Variants in GSKIP observed in about 807,000 individuals in gnomAD.
GSKIP encodes the protein GSK3B-interacting protein.
A neutral mutation model predicts 11.9 loss-of-function variants in GSKIP; 5 were observed. That is an observed-to-expected ratio of 0.42 (90% confidence interval 0.22 to 0.89). The LOEUF is 0.89. GSKIP is among the 40% of genes least tolerant of loss of function. The probability of loss-of-function intolerance (pLI) is 0.29; values close to 1 mark genes in which losing one functional copy is unlikely to be tolerated. For synonymous variants in GSKIP, 70 were observed against 62.9 expected, an observed-to-expected ratio of 1.11 and a Z score of -0.54; for missense variants, 150 against 166.6, an observed-to-expected ratio of 0.90 and a Z score of 0.55.
chr14:96,385,854 T>A lies in GSKIP; in HGVS notation c.*170T>A, dbSNP rs1889477065. ...TTATTGAATAATGATTTGTCTTAGT[T>A]TCTGTTTCAGTAAGGGAATTCTGAG... On this transcript the variant is annotated 3_prime_UTR_variant, in exon 4 of 4. Transcript: ENST00000555181. 25 of 560,314 alleles carry A rather than the reference T, an allele frequency of 4.5e-5. No homozygotes were observed. In the East Asian group the frequency reaches 7.7e-4, roughly 17 times the overall value. The allele number at this position is 560,314 out of a possible 1,614,324, so 34.7% of individuals were successfully genotyped here. A position where few individuals can be genotyped will look rare whatever the true frequency, so the allele number is the denominator to read the frequency against.
At chr14:96,364,130 T>C (rs1888791516) in intron 1 of GSKIP, 1 of 152,290 alleles carries the variant, frequency 6.6e-6, no homozygotes, top group African/African-American at 2.4e-5. Flanking sequence ...ACTTGGGCTG[T>C]TCTGGCAGTC....
intron 1 of GSKIP, among the ~76,000 whole-genome samples, chr14:96,376,141 A>G (rs1267121600): frequency 6.6e-6 from 1 of 152,244 alleles, no homozygotes; most frequent in Non-Finnish European, 1.5e-5. Context: ...GGACCACACT[A>G]CATACTGCCA....
chr14:96,366,308 C>T (rs571745162), intron 1 of GSKIP, among the ~76,000 whole-genome samples: 3 of 148,734 alleles, frequency 2.0e-5, no homozygotes, highest in African/African-American at 4.9e-5. Context: ...GAATTGCATT[C>T]GGGCTATCCA....
intron 1 of GSKIP, among the ~76,000 whole-genome samples, chr14:96,368,732 CTCTT>C (rs1326838425): frequency 1.3e-5 from 2 of 152,094 alleles, no homozygotes; most frequent in African/African-American, 2.4e-5. Context: ...CCCCTACTCC[CTCTT>C]TCTCTCTCAC....
intron 1 of GSKIP, among the ~76,000 whole-genome samples, chr14:96,375,724 G>A (rs757207288): frequency 6.6e-5 from 10 of 152,140 alleles, no homozygotes; most frequent in Non-Finnish European, 1.2e-4. Context: ...GAGCCACCAC[G>A]CCCGGCTTGA....
chr14:96,374,054 A>C (rs1260677941), intron 1 of GSKIP, among the ~76,000 whole-genome samples: 1 of 152,232 alleles, frequency 6.6e-6, no homozygotes, highest in Non-Finnish European at 1.5e-5. Context: ...AATACTTGAA[A>C]TTAGTAGGCA....
chr14:96,377,605 G>A (rs551332993), intron 1 of GSKIP, among the ~76,000 whole-genome samples: 1 of 152,264 alleles, frequency 6.6e-6, no homozygotes, highest in South Asian at 2.1e-4. Flanking sequence ...ATAATAAGGT[G>A]TCTGCTCAAA....
intron 1 of GSKIP, among the ~76,000 whole-genome samples, chr14:96,374,921 TA>T (rs1889154759): frequency 6.6e-6 from 1 of 151,872 alleles, no homozygotes; most frequent in Non-Finnish European, 1.5e-5. Context: ...AATTATATAT[TA>T]CATATAAAAA....
chr14:96,365,739 C>A (rs958150426), intron 1 of GSKIP, among the ~76,000 whole-genome samples: 1 of 151,900 alleles, frequency 6.6e-6, no homozygotes, highest in African/African-American at 2.4e-5. Flanking sequence ...GAGGCTGAGG[C>A]AGGAGAATTG....
chr14:96,377,234 A>C (rs1889226384), intron 1 of GSKIP, among the ~76,000 whole-genome samples: 1 of 152,250 alleles, frequency 6.6e-6, no homozygotes. Context: ...ATTGGAGGGC[A>C]ACAATAAAGA....
At chr14:96,373,454 T>C (rs1281064635) in intron 1 of GSKIP, among the ~76,000 whole-genome samples, 1 of 152,138 alleles carries the variant, frequency 6.6e-6, no homozygotes, top group Non-Finnish European at 1.5e-5. Context: ...AATACTTGAT[T>C]TAGAAAATTT....
intron 1 of GSKIP, among the ~76,000 whole-genome samples, chr14:96,367,363 A>G (rs977774866): frequency 1.3e-5 from 2 of 152,148 alleles, no homozygotes; most frequent in East Asian, 3.9e-4. Flanking sequence ...TAACCATCAC[A>G]TCTTCCTGGC....
At chr14:96,378,419 A>C (rs1889259348) in intron 1 of GSKIP, among the ~76,000 whole-genome samples, 1 of 152,228 alleles carries the variant, frequency 6.6e-6, no homozygotes, top group East Asian at 1.9e-4. Flanking sequence ...AAGGTACCAT[A>C]AGCTAAGGAA....
rs1439150925 is a variant in GSKIP at position 96,382,445 on chromosome 14, CA to C, written c.200del (p.Asn67MetfsTer12). ...GGTGTGCGGATGATGTGGCCTATAT[CA>C]ATGTGGAAACAAAGGAAAGAAACAG... ...LRCADDVAYI[N>X]VETKERNRYC... On this transcript the variant is annotated frameshift_variant, in exon 3 of 4. Coordinates refer to ENST00000555181, the MANE Select transcript of GSKIP (RefSeq NM_016472.5). LOFTEE classifies it high-confidence loss of function. 6.2e-7 allele frequency: 1 copy of C among 1,612,532 alleles called. No individual in the cohort carries two copies. Among genetic ancestry groups the C allele is most frequent in the Non-Finnish European group, 8.5e-7 (1 of 1,178,818 alleles).
chr14:96,385,962 T>C lies in GSKIP; in HGVS notation c.*278T>C. On this transcript the variant is annotated 3_prime_UTR_variant, in exon 4 of 4. Coordinates refer to ENST00000555181, the MANE Select transcript of GSKIP (RefSeq NM_016472.5). Reference sequence around the variant, plus strand: ...ATTTCAAATCCTAATCACTATTTCATACTATTACAGGGCTTTGATGCTGCC... The same window carrying C: ...ATTTCAAATCCTAATCACTATTTCACACTATTACAGGGCTTTGATGCTGCC... The C allele has an allele frequency of 3.3e-6, 1 of 306,914 alleles. No homozygotes were observed. Among genetic ancestry groups the C allele is most frequent in the Non-Finnish European group, 6.2e-6 (1 of 161,444 alleles). 19.0% of individuals were successfully genotyped at this position (306,914 alleles called of 1,614,324 possible).
intron 1 of GSKIP, among the ~76,000 whole-genome samples, chr14:96,370,384 A>G (rs1339599861): frequency 1.3e-5 from 2 of 150,172 alleles, no homozygotes; most frequent in African/African-American, 4.9e-5. Flanking sequence ...GTGGAAGGCT[A>G]TGGTTTGGAT....
At chr14:96,375,843 G>A (rs745663289) in intron 1 of GSKIP, among the ~76,000 whole-genome samples, 1 of 152,164 alleles carries the variant, frequency 6.6e-6, no homozygotes, top group Non-Finnish European at 1.5e-5. Flanking sequence ...GGTGGCACAG[G>A]GTATCACATG....
At chr14:96,367,758 G>A (rs928964011) in intron 1 of GSKIP, among the ~76,000 whole-genome samples, 10 of 152,164 alleles carry the variant, frequency 6.6e-5, no homozygotes, top group African/African-American at 2.4e-4. Context: ...CAAAAATTAT[G>A]GAGAAAGAGC....
At position 96,368,245 on chromosome 14, in the gene GSKIP, C is replaced by T. The variant is rs756912759; in HGVS notation, c.-103+4677C>T. ...TCACTCAGACTGGAGTGCAGTGGCA[C>T]GATAGCTCATTGTAGCCTCAACCTC... On this transcript the variant is annotated intron_variant, in intron 1 of 3. Coordinates refer to ENST00000555181, the MANE Select transcript of GSKIP (RefSeq NM_016472.5). Among the ~76,000 whole-genome samples, 171 of 150,460 alleles carry T rather than the reference C, an allele frequency of 1.1e-3. 1 individual carries two copies. Among genetic ancestry groups the T allele is most frequent in the Non-Finnish European group, 2.2e-3 (150 of 67,794 alleles).
Sources: gnomAD v4.1 joint callset for allele counts (sites outside exome capture counted in the v4.1 genomes callset) on GRCh38, gnomAD v4.1.1 for gene constraint, MANE v1.5 for transcripts, NCBI Gene and HGNC (gene_info 2026-07-23, HGNC 2026-07-21) for gene names.